Variants in CELF2 observed in about 807,000 individuals in gnomAD.
CELF2 encodes the protein CUG triplet repeat RNA-binding protein 2.
In CELF2, 8 loss-of-function variants were observed where a neutral mutation model predicts 62.6. That is an observed-to-expected ratio of 0.13 (90% confidence interval 0.07 to 0.23). The LOEUF (loss-of-function observed/expected upper bound fraction) is 0.23. Ranked by LOEUF, CELF2 falls within the 10% of genes least tolerant of loss-of-function variation. CELF2 has a pLI of 1.00. For synonymous variants in CELF2, 258 were observed against 250.0 expected (o/e 1.03, Z -0.30); for missense variants, 333 against 671.0 (o/e 0.50, Z 5.56).
intron 1 of CELF2, among the ~76,000 whole-genome samples, chr10:11,116,802 T>G (rs1595592778): frequency 6.6e-6 from 1 of 152,264 alleles, no homozygotes; most frequent in African/African-American, 2.4e-5. Flanking sequence ...AAGTTGTTTA[T>G]GTCAGTCGGA....
chr10:10,775,759 T>C, the CELF2 span, among the ~76,000 whole-genome samples: 1 of 152,228 alleles, frequency 6.6e-6, no homozygotes, highest in Non-Finnish European at 1.5e-5. Context: ...AGGAGTGATT[T>C]ATGGTAATAA....
At chr10:10,714,115 G>A in the CELF2 span, among the ~76,000 whole-genome samples, 1 of 152,118 alleles carries the variant, frequency 6.6e-6, no homozygotes. Context: ...CTACTTTCAG[G>A]TAGTCTTTAG....
At chr10:10,816,485 C>A (rs1305951447) in intron 1 of CELF2, among the ~76,000 whole-genome samples, 4 of 152,176 alleles carry the variant, frequency 2.6e-5, no homozygotes, top group Non-Finnish European at 5.9e-5. Flanking sequence ...AATTGTGACA[C>A]TCTCTGTGTC....
intron 1 of CELF2, among the ~76,000 whole-genome samples, chr10:11,129,710 G>C (rs1012827398): frequency 5.3e-5 from 8 of 152,154 alleles, no homozygotes; most frequent in Admixed American, 6.5e-5. Flanking sequence ...ATTTCTGTGG[G>C]ATTGGTGGTG....
At chr10:11,107,427 G>A (rs2053808968) in intron 1 of CELF2, among the ~76,000 whole-genome samples, 1 of 152,126 alleles carries the variant, frequency 6.6e-6, no homozygotes, top group Non-Finnish European at 1.5e-5. Context: ...CCATGTTTTG[G>A]AGTGCGGTCT....
At chr10:11,035,108 C>G (rs894995111) in intron 1 of CELF2, among the ~76,000 whole-genome samples, 3 of 152,120 alleles carry the variant, frequency 2.0e-5, no homozygotes, top group African/African-American at 7.2e-5. Context: ...CACCGCCTTT[C>G]TTAAATACGA....
chr10:10,578,352 G>A, the CELF2 span, among the ~76,000 whole-genome samples: 3 of 152,100 alleles, frequency 2.0e-5, no homozygotes, highest in African/African-American at 7.2e-5. Context: ...CTGTGGAGAA[G>A]CTCTTTAGTT....
chr10:10,903,790 G>C (rs2063122252), intron 1 of CELF2, among the ~76,000 whole-genome samples: 1 of 152,216 alleles, frequency 6.6e-6, no homozygotes, highest in Non-Finnish European at 1.5e-5. Context: ...GGATGATGCA[G>C]AGCCACCTGC....
At chr10:10,522,827 C>T in the CELF2 span, among the ~76,000 whole-genome samples, 2 of 152,176 alleles carry the variant, frequency 1.3e-5, no homozygotes, top group Non-Finnish European at 2.9e-5. Flanking sequence ...GCCTCGGCCT[C>T]CCAAAGTGCT....
At chr10:11,076,882 C>A (rs1433522151) in intron 1 of CELF2, among the ~76,000 whole-genome samples, 1 of 152,146 alleles carries the variant, frequency 6.6e-6, no homozygotes, top group Non-Finnish European at 1.5e-5. Flanking sequence ...GCTTGTCTTG[C>A]AGATCTAACT....
At chr10:11,257,966 G>A in intron 5 of CELF2, 94 bp downstream of exon 5, 1 of 1,443,148 alleles carries the variant, frequency 6.9e-7, no homozygotes, top group Non-Finnish European at 9.6e-7. Context: ...CACGGCAAGA[G>A]GTCACCCTGT....
chr10:10,981,329 T>C (rs747973140), intron 2 of CELF2, among the ~76,000 whole-genome samples: 29 of 152,358 alleles, frequency 1.9e-4, no homozygotes, highest in South Asian at 1.0e-3. Flanking sequence ...TTATTGGCTT[T>C]ACCACACACT....
chr10:11,153,535 TTG>T (rs2132784715), intron 1 of CELF2, among the ~76,000 whole-genome samples: 1 of 152,298 alleles, frequency 6.6e-6, no homozygotes, highest in African/African-American at 2.4e-5. Context: ...AACATGCGCT[TTG>T]TGTGTGTAGG....
intron 2 of CELF2, among the ~76,000 whole-genome samples, chr10:10,933,508 A>G (rs1216380289): frequency 6.6e-6 from 1 of 152,172 alleles, no homozygotes; most frequent in African/African-American, 2.4e-5. Context: ...TTATAACCAC[A>G]GTCACCCTAT....
intron 5 of CELF2, among the ~76,000 whole-genome samples, chr10:11,263,370 T>C (rs1207935588): frequency 6.6e-6 from 1 of 152,154 alleles, no homozygotes; most frequent in Non-Finnish European, 1.5e-5. Flanking sequence ...GTAATATACA[T>C]GTTGTCTTAC....
the CELF2 span, among the ~76,000 whole-genome samples, chr10:10,622,711 A>G: frequency 6.6e-6 from 1 of 152,064 alleles, no homozygotes; most frequent in Non-Finnish European, 1.5e-5. Context: ...GAAAGAACTG[A>G]GATAAATATT....
the CELF2 span, among the ~76,000 whole-genome samples, chr10:10,743,838 T>C: frequency 2.0e-5 from 3 of 152,040 alleles, no homozygotes; most frequent in Non-Finnish European, 4.4e-5. Flanking sequence ...AAAATAGAAA[T>C]CCAAAATCCA....
intron 2 of CELF2, among the ~76,000 whole-genome samples, chr10:11,216,142 A>G (rs941433549): frequency 1.3e-5 from 2 of 152,212 alleles, no homozygotes; most frequent in African/African-American, 4.8e-5. Context: ...CCAAGATGCT[A>G]TGGTCATAGT....
chr10:10,641,557 C>T, the CELF2 span, among the ~76,000 whole-genome samples: 3 of 152,268 alleles, frequency 2.0e-5, no homozygotes, highest in South Asian at 6.2e-4. Context: ...TCTCCTGTCT[C>T]AGCCTCCCAA....
Sources: allele counts gnomAD v4.1 joint callset (sites outside exome capture counted in the v4.1 genomes callset), GRCh38; gene constraint gnomAD v4.1.1; transcripts MANE v1.5; gene names NCBI Gene and HGNC (gene_info 2026-07-23, HGNC 2026-07-21).